OTOA: variants seen among roughly 807,000 people sequenced by gnomAD.
OTOA encodes the protein otoancorin.
Under a neutral mutation model 110.8 loss-of-function variants are expected in OTOA, and 70 were observed. That is an observed-to-expected ratio of 0.63 (90% CI 0.52 to 0.77). The LOEUF is 0.77. Among genes scored for constraint, OTOA ranks in the 30% least tolerant of loss-of-function variants. The pLI is 0.00. For synonymous variants in OTOA, 373 were observed against 431.5 expected, an observed-to-expected ratio of 0.86 and a Z score of 1.68; for missense variants, 917 against 1,075.8, an observed-to-expected ratio of 0.85 and a Z score of 2.06.
At chr16:21,707,095 C>A (rs772433705) in intron 12 of OTOA, among the ~76,000 whole-genome samples, 3 of 151,788 alleles carry the variant, frequency 2.0e-5, no homozygotes, top group Non-Finnish European at 4.4e-5. Context: ...GAACTCCTGA[C>A]CTCAAGTGAT....
At chr16:21,725,260 G>A (rs538950614) in intron 18 of OTOA, among the ~76,000 whole-genome samples, 5 of 152,020 alleles carry the variant, frequency 3.3e-5, no homozygotes, top group Non-Finnish European at 7.4e-5. Context: ...AGTGGTACTG[G>A]GAATGGAGAA....
chr16:21,693,683 G>A (rs979980758), intron 9 of OTOA, among the ~76,000 whole-genome samples: 7 of 152,130 alleles, frequency 4.6e-5, no homozygotes, highest in African/African-American at 1.7e-4. Flanking sequence ...CAGAGTTCAA[G>A]TGATTCTCTC....
chr16:21,720,896 C>CATTATTATT (rs57835405), intron 17 of OTOA, among the ~76,000 whole-genome samples: 1,969 of 147,188 alleles, frequency 0.013, 21 homozygotes, highest in Middle Eastern at 0.022. Flanking sequence ...TACTAAAACA[C>CATTATTATT]ATTATTATTA....
intron 28 of OTOA, among the ~76,000 whole-genome samples, chr16:21,760,136 G>T (rs1900122803): frequency 6.6e-6 from 1 of 151,930 alleles, no homozygotes; most frequent in South Asian, 2.1e-4. Flanking sequence ...CTTTCCTAAA[G>T]TTGCTTAATT....
intron 24 of OTOA, among the ~76,000 whole-genome samples, chr16:21,750,055 A>G (rs1899780469): frequency 6.6e-6 from 1 of 152,282 alleles, no homozygotes; most frequent in Non-Finnish European, 1.5e-5. Context: ...ATAGGTAGAT[A>G]AAATGAATCA....
Position 21,684,544 on chromosome 16 carries a change from A to T in OTOA, c.268-686A>T, listed in dbSNP as rs1266880658. 3 of 1,550,382 alleles carry T rather than the reference A, an allele frequency of 1.9e-6. No individual in the cohort carries two copies. The Admixed American group carries it at 5.9e-5, about 30-fold the overall frequency. On this transcript the variant is annotated intron_variant, in intron 6 of 28. Transcript: ENST00000646100. Reference sequence around the variant, plus strand: ...GCTGATGGGAAACTCAATCACCTACAGGGACCAGGCAGGCCATGGAATGGG... The same window carrying T: ...GCTGATGGGAAACTCAATCACCTACTGGGACCAGGCAGGCCATGGAATGGG...
intron 12 of OTOA, among the ~76,000 whole-genome samples, chr16:21,706,390 C>T (rs1343029329): frequency 6.6e-6 from 1 of 152,206 alleles, no homozygotes; most frequent in Non-Finnish European, 1.5e-5. Context: ...TCAAACCTGC[C>T]TCTAGATTAG....
At chr16:21,698,963 A>G (rs1261104841) in intron 10 of OTOA, among the ~76,000 whole-genome samples, 2 of 152,094 alleles carry the variant, frequency 1.3e-5, no homozygotes, top group Non-Finnish European at 2.9e-5. Context: ...TTATTTGTTT[A>G]TTTATGAAAT....
chr16:21,718,506 G>C (rs1185590674), intron 15 of OTOA, among the ~76,000 whole-genome samples: 3 of 152,126 alleles, frequency 2.0e-5, no homozygotes, highest in Non-Finnish European at 4.4e-5. Flanking sequence ...TCTAATGCTA[G>C]CTCATAATTT....
chr16:21,672,203 A>G (rs1966850134), intron 1 of OTOA, among the ~76,000 whole-genome samples: 1 of 152,288 alleles, frequency 6.6e-6, no homozygotes, highest in South Asian at 2.1e-4. Flanking sequence ...GCTCAGCATA[A>G]GCATAATGTT....
intron 17 of OTOA, among the ~76,000 whole-genome samples, chr16:21,722,368 G>A (rs765942023): frequency 2.7e-5 from 2 of 73,230 alleles, no homozygotes; most frequent in Non-Finnish European, 6.4e-5. Context: ...ATATAGTTAA[G>A]CTATATATAA....
At position 21,679,231 on chromosome 16, in the gene OTOA, AG is replaced by A; in HGVS notation, c.179+24del. ...TCAAAGGTAAAATGCCCTAGAGGAG[AG>A]GGGAAGGGATGGTATAGATTTTTAA... On this transcript the variant is annotated intron_variant, in intron 5 of 28. Coordinates refer to ENST00000646100, the MANE Select transcript of OTOA (RefSeq NM_144672.4). 2.5e-6 allele frequency: 4 copies of A among 1,610,742 alleles called. No homozygotes were observed. Among genetic ancestry groups the A allele is most frequent in the Non-Finnish European group, 3.4e-6 (4 of 1,178,112 alleles).
At chr16:21,717,397 T>C (rs1898590916) in intron 15 of OTOA, among the ~76,000 whole-genome samples, 2 of 152,088 alleles carry the variant, frequency 1.3e-5, no homozygotes, top group Non-Finnish European at 2.9e-5. Flanking sequence ...GTTATGGTCA[T>C]GCTACTCCAC....
At chr16:21,705,400 C>A (rs888303052) in intron 12 of OTOA, 108 bp downstream of exon 12, 6 of 1,561,082 alleles carry the variant, frequency 3.8e-6, no homozygotes, top group African/African-American at 2.7e-5. Context: ...CAGCATTAGT[C>A]GGGATTTAAG....
rs753112398 is a variant in OTOA, at chr16:21,714,300, TCTTCCTTC to T, written c.1321-657_1321-650del. 1.5e-4 allele frequency among the ~76,000 whole-genome samples: 15 copies of T among 100,438 alleles called. No homozygotes were observed. The East Asian group carries it at 1.6e-3, about 11-fold the overall frequency. 65.9% of individuals were successfully genotyped at this position (100,438 alleles called of 152,430 possible). A position where few individuals can be genotyped will look rare whatever the true frequency, so the allele number is the denominator to read the frequency against. On this transcript the variant is annotated intron_variant, in intron 13 of 28. Coordinates refer to ENST00000646100, the MANE Select transcript of OTOA (RefSeq NM_144672.4). ...CCTCCTTCCTTTCTTTCTTTTCCTT[TCTTCCTTC>T]CTTCCTTCCTTCCTTCCTTCCTTCC... is the stretch of plus-strand genomic sequence containing the variant.
intron 10 of OTOA, among the ~76,000 whole-genome samples, chr16:21,699,912 C>T (rs1898017873): frequency 6.6e-6 from 1 of 150,854 alleles, no homozygotes; most frequent in African/African-American, 2.4e-5. Flanking sequence ...GAGCGAGACT[C>T]CATCTCAAAA....
intron 18 of OTOA, among the ~76,000 whole-genome samples, chr16:21,725,249 C>A (rs1234442838): frequency 2.0e-5 from 3 of 152,066 alleles, no homozygotes; most frequent in African/African-American, 7.2e-5. Context: ...ATAAATAAGA[C>A]AGTGGTACTG....
intron 18 of OTOA, 58 bp downstream of exon 18, chr16:21,723,036 G>C: frequency 6.4e-6 from 10 of 1,558,784 alleles, no homozygotes; most frequent in Non-Finnish European, 8.8e-6. Flanking sequence ...GGGAATCACT[G>C]AAGTCAAAAT....
At chr16:21,679,812 G>A (rs1056150195) in intron 5 of OTOA, among the ~76,000 whole-genome samples, 5 of 152,108 alleles carry the variant, frequency 3.3e-5, no homozygotes, top group African/African-American at 9.7e-5. Context: ...AGTTCCCATT[G>A]TTATCCCATT....
Sources: allele counts gnomAD v4.1 joint callset (sites outside exome capture counted in the v4.1 genomes callset), GRCh38; gene constraint gnomAD v4.1.1; transcripts MANE v1.5; gene names NCBI Gene and HGNC (gene_info 2026-07-23, HGNC 2026-07-21).